The following RECK variants were observed in gnomAD, a reference collection of about 807,000 sequenced individuals.
RECK encodes the protein reversion-inducing cysteine-rich protein with Kazal motifs.
In RECK, 69 loss-of-function variants were observed where a neutral mutation model predicts 115.1. That is an observed-to-expected ratio of 0.60 (90% CI 0.49 to 0.73). The LOEUF (loss-of-function observed/expected upper bound fraction) is 0.73. Among genes scored for constraint, RECK ranks in the 30% least tolerant of loss-of-function variants. RECK has a pLI of 0.00. For missense variants in RECK, 1,047 were observed against 1,203.7 expected (o/e 0.87, Z 1.93); for synonymous variants, 414 against 419.7 (o/e 0.99, Z 0.17).
intron 1 of RECK, among the ~76,000 whole-genome samples, chr9:36,047,681 A>C (rs1004223767): frequency 6.6e-6 from 1 of 152,118 alleles, no homozygotes; most frequent in Non-Finnish European, 1.5e-5. Flanking sequence ...GCCTTACTAC[A>C]ATCAAGGCAC....
chr9:36,087,798 G>A lies in RECK; in HGVS notation c.742G>A (p.Glu248Lys), dbSNP rs770475755. 41 of 1,613,768 alleles carry A rather than the reference G, an allele frequency of 2.5e-5. No homozygotes were observed. In the East Asian group the frequency reaches 3.8e-4, roughly 15 times the overall value. The change falls in exon 9 of 21, where the codon GAG becomes AAG. Residue 248 changes from glutamate (E) to lysine (K), a missense_variant. By Grantham distance (56) the Glu-to-Lys change is moderately conservative (BLOSUM62 1). Transcript: ENST00000377966. The part of the protein sequence containing the change: ...TEMEIVDGLI[E>K]GCKTQPLPQD... ...AATGGAGATTGTTGATGGTCTCATC[G>A]AGGGTTGTAAGACCCAGCCCTTGCC...
intron 1 of RECK, among the ~76,000 whole-genome samples, chr9:36,038,234 G>A (rs1359058753): frequency 6.6e-6 from 1 of 152,048 alleles, no homozygotes; most frequent in Non-Finnish European, 1.5e-5. Flanking sequence ...GATTGCTCGA[G>A]CCCCGGGAAG....
chr9:36,037,296 ATCT>A (rs1267010843), intron 1 of RECK, among the ~76,000 whole-genome samples, 198 bp downstream of exon 1: 5 of 151,310 alleles, frequency 3.3e-5, no homozygotes, highest in African/African-American at 1.2e-4. Flanking sequence ...CCGCCCCAAG[ATCT>A]TCTGGGCGGT....
At chr9:36,091,515 C>G (rs1432420455) in intron 10 of RECK, among the ~76,000 whole-genome samples, 172 bp downstream of exon 10, 2 of 152,194 alleles carry the variant, frequency 1.3e-5, no homozygotes, top group African/African-American at 4.8e-5. Flanking sequence ...AAAGGAAACA[C>G]TATTACAAAG....
intron 6 of RECK, among the ~76,000 whole-genome samples, chr9:36,071,825 A>G (rs1261489796): frequency 6.6e-6 from 1 of 152,194 alleles, no homozygotes; most frequent in Non-Finnish European, 1.5e-5. Flanking sequence ...GAATGCTAAA[A>G]TTAAGACTGT....
chr9:36,121,562 G>A lies in RECK; in HGVS notation c.2568G>A (p.Leu856=). 6.2e-7 allele frequency: 1 copy of A among 1,614,044 alleles called. No homozygotes were observed. Among genetic ancestry groups the A allele is most frequent in the Non-Finnish European group, 8.5e-7 (1 of 1,179,938 alleles). The part of the protein sequence containing the change: ...KVTNKKPITV[L]EILQKIRMHV... ...CAAATAAAAAGCCAATAACAGTTCT[G>A]GAAATACTTCAGAAAATCCGCATGC... is the stretch of plus-strand genomic sequence containing the variant. Residue 856 remains leucine, a synonymous_variant, in exon 20 of 21, where the codon CTG becomes CTA. Coordinates refer to ENST00000377966, the MANE Select transcript of RECK (RefSeq NM_021111.3).
chr9:36,055,547 A>G (rs1350071070), intron 2 of RECK, among the ~76,000 whole-genome samples: 3 of 152,152 alleles, frequency 2.0e-5, no homozygotes, highest in African/African-American at 7.2e-5. Flanking sequence ...TATTGTCATT[A>G]TTTGTATATT....
At position 36,112,616 on chromosome 9, in the gene RECK, GAGCCATGTAA is replaced by G. The variant is rs1824101556; in HGVS notation, c.2060+144_2060+153del. 45 of 937,876 alleles carry G rather than the reference GAGCCATGTAA, an allele frequency of 4.8e-5. 1 individual carries two copies. The South Asian group carries it at 7.3e-4, about 15-fold the overall frequency. 58.1% of individuals were successfully genotyped at this position (937,876 alleles called of 1,614,324 possible). A position where few individuals can be genotyped will look rare whatever the true frequency, so the allele number is the denominator to read the frequency against. On this transcript the variant is annotated intron_variant, in intron 16 of 20. Coordinates refer to ENST00000377966, the MANE Select transcript of RECK (RefSeq NM_021111.3). ...AGAGTTTGGAGTCTGGAGGGAAAGA[GAGCCATGTAA>G]AGCTGCTTGATAAGGTGCTGCGATT...
At chr9:36,103,262 G>C (rs1823632752) in intron 12 of RECK, among the ~76,000 whole-genome samples, 1 of 152,216 alleles carries the variant, frequency 6.6e-6, no homozygotes, top group South Asian at 2.1e-4. Context: ...TTGTTTTCCT[G>C]TGTTAGGTAG....
intron 6 of RECK, among the ~76,000 whole-genome samples, chr9:36,068,648 C>T (rs1267178816): frequency 6.6e-6 from 1 of 152,190 alleles, no homozygotes; most frequent in African/African-American, 2.4e-5. Context: ...CTTCACGAGG[C>T]TCAGAAGTCA....
intron 2 of RECK, 103 bp from the exon 3 acceptor site, chr9:36,058,724 A>G (rs1040718154): frequency 2.3e-6 from 1 of 443,596 alleles, no homozygotes; most frequent in Non-Finnish European, 3.8e-6. Flanking sequence ...AGGAAGTTGG[A>G]AAATATTCTA....
In RECK at chr9:36,123,550, T is replaced by G. The variant is rs779407097; in HGVS notation, c.*505T>G. ...AAGAATATGAAACATAGATAAAACA[T>G]CTTTGAAATTATGTAAATTATGTAA... On this transcript the variant is annotated 3_prime_UTR_variant, in exon 21 of 21. Coordinates refer to ENST00000377966, the MANE Select transcript of RECK (RefSeq NM_021111.3). The G allele has an allele frequency of 6.6e-6, 1 of 152,424 alleles. No individual in the cohort carries two copies. The highest frequency in any genetic ancestry group is 1.5e-5 in the Non-Finnish European group (1 of 68,190). 9.4% of individuals were successfully genotyped at this position (152,424 alleles called of 1,614,324 possible). A position where few individuals can be genotyped will look rare whatever the true frequency, so the allele number is the denominator to read the frequency against.
intron 2 of RECK, among the ~76,000 whole-genome samples, chr9:36,053,455 A>G (rs1294455364): frequency 6.6e-6 from 1 of 152,360 alleles, no homozygotes; most frequent in Non-Finnish European, 1.5e-5. Context: ...TTTGCAAGAT[A>G]CGGTCTGATT....
chr9:36,084,708 GGAAGGGAT>G (rs1822875173), intron 8 of RECK, among the ~76,000 whole-genome samples: 3 of 150,570 alleles, frequency 2.0e-5, no homozygotes, highest in Non-Finnish European at 4.4e-5. Context: ...GAAGAAGGAA[GGAAGGGAT>G]GAAGGGAGGA....
chr9:36,073,243 C>CACACACAG (rs1462742693), intron 6 of RECK, among the ~76,000 whole-genome samples: 43 of 131,650 alleles, frequency 3.3e-4, no homozygotes, highest in African/African-American at 1.2e-3. Flanking sequence ...CACACACAGA[C>CACACACAG]ACACACACAC....
intron 1 of RECK, 33 bp from the exon 2 acceptor site, chr9:36,052,232 G>T: frequency 1.4e-6 from 2 of 1,394,790 alleles, no homozygotes; most frequent in South Asian, 2.3e-5. Flanking sequence ...TTTAACAGTG[G>T]AACAACATTT....
At chr9:36,038,000 C>CT (rs934917844) in intron 1 of RECK, among the ~76,000 whole-genome samples, 2 of 95,762 alleles carry the variant, frequency 2.1e-5, no homozygotes, top group African/African-American at 8.6e-5. Context: ...GCAGAGACAC[C>CT]TTAAAAAAAA....
chr9:36,111,667 T>G (rs62543615), intron 15 of RECK, among the ~76,000 whole-genome samples: 19,767 of 152,184 alleles, frequency 0.13, 1,647 homozygotes, highest in Admixed American at 0.22. Context: ...GTGCTGGGAT[T>G]ACAGGCGTGA....
intron 19 of RECK, among the ~76,000 whole-genome samples, chr9:36,121,034 G>A (rs951973455): frequency 5.9e-5 from 9 of 152,202 alleles, no homozygotes; most frequent in Non-Finnish European, 2.9e-5. Context: ...TGCAGGCAGA[G>A]CCAGGTAGCC....
Sources: allele counts gnomAD v4.1 joint callset (sites outside exome capture counted in the v4.1 genomes callset), GRCh38; gene constraint gnomAD v4.1.1; transcripts MANE v1.5; gene names NCBI Gene and HGNC (gene_info 2026-07-23, HGNC 2026-07-21).